ADGB: variants seen among roughly 807,000 people sequenced by gnomAD.
ADGB encodes the protein androglobin.
ADGB carries 172 observed loss-of-function variants against 210.5 expected under a neutral mutation model. That is an observed-to-expected ratio of 0.82 (90% CI 0.72 to 0.93). The LOEUF is 0.93. Ranked by LOEUF, ADGB falls within the 40% of genes least tolerant of loss-of-function variation. The pLI is 0.00. For missense variants in ADGB, 2,025 were observed against 1,964.8 expected, an observed-to-expected ratio of 1.03 and a Z score of -0.58; for synonymous variants, 658 against 662.7, an observed-to-expected ratio of 0.99 and a Z score of 0.11.
intron 20 of ADGB, among the ~76,000 whole-genome samples, chr6:146,729,482 C>A (rs79386027): frequency 0.021 from 3,250 of 152,172 alleles, 107 homozygotes; most frequent in African/African-American, 0.074. Context: ...GTCACCCAGG[C>A]TGGCTTGCAG....
At chr6:146,701,871 C>G (rs891028670) in intron 13 of ADGB, among the ~76,000 whole-genome samples, 2 of 151,796 alleles carry the variant, frequency 1.3e-5, no homozygotes, top group Non-Finnish European at 3.0e-5. Flanking sequence ...ACATGAAATA[C>G]AGCAACAGGT....
intron 9 of ADGB, among the ~76,000 whole-genome samples, chr6:146,680,440 C>A (rs1404386181): frequency 6.6e-6 from 1 of 152,118 alleles, no homozygotes; most frequent in African/African-American, 2.4e-5. Context: ...TTCCTTATAG[C>A]AGCTACAATT....
At chr6:146,600,729 TTC>T (rs1780542245) in intron 1 of ADGB, among the ~76,000 whole-genome samples, 1 of 151,976 alleles carries the variant, frequency 6.6e-6, no homozygotes, top group Admixed American at 6.6e-5. Context: ...ATTTTTTTTT[TTC>T]ATTTGTCTTC....
intron 5 of ADGB, among the ~76,000 whole-genome samples, chr6:146,663,181 T>C (rs9497596): frequency 7.1e-6 from 1 of 141,456 alleles, no homozygotes; most frequent in African/African-American, 2.6e-5. Flanking sequence ...ATATTATATA[T>C]TATATATAAT....
Position 146,784,649 on chromosome 6 carries a change from C to A in ADGB, c.4067C>A (p.Pro1356Gln). Residue 1356 changes from proline (P) to glutamine (Q), a missense_variant, in exon 31 of 36, where the codon CCA becomes CAA. Physicochemically the swap from Pro to Gln is moderately conservative, Grantham distance 76 (BLOSUM62 -1). Transcript: ENST00000397944. The stretch of plus-strand genomic sequence containing the variant: ...ACTGTTCACCCTCAACAAGAAGACC[C>A]AAATAAACCCTACTGGATTTTGAGG... Reference protein sequence around the residue: ...ISTVHPQQEDPNKPYWILRLV... With the variant: ...ISTVHPQQEDQNKPYWILRLV... 1.9e-6 allele frequency: 3 copies of A among 1,549,522 alleles called. No individual in the cohort carries two copies. The highest frequency in any genetic ancestry group is 2.4e-5 in the East Asian group (1 of 40,846).
chr6:146,790,233 A>T (rs1026050538), intron 33 of ADGB, among the ~76,000 whole-genome samples: 5 of 152,192 alleles, frequency 3.3e-5, no homozygotes, highest in Admixed American at 6.5e-5. Flanking sequence ...AACATCCAAT[A>T]AATTGTTAGC....
chr6:146,653,091 A>G (rs919020777), intron 3 of ADGB, among the ~76,000 whole-genome samples: 18 of 152,064 alleles, frequency 1.2e-4, no homozygotes, highest in African/African-American at 4.3e-4. Flanking sequence ...TGCAGTGTGA[A>G]ACTTACTGTG....
chr6:146,663,839 G>A (rs116671764), intron 5 of ADGB, among the ~76,000 whole-genome samples: 362 of 151,940 alleles, frequency 2.4e-3, no homozygotes, highest in Middle Eastern at 6.8e-3. Flanking sequence ...TTTTGACTAT[G>A]TTAAGTTATT....
intron 3 of ADGB, among the ~76,000 whole-genome samples, chr6:146,650,686 G>A (rs1286523480): frequency 1.4e-5 from 2 of 146,536 alleles, no homozygotes; most frequent in African/African-American, 2.5e-5. Flanking sequence ...GAGAGGAGAA[G>A]CCTGTTTTGC....
intron 6 of ADGB, among the ~76,000 whole-genome samples, chr6:146,666,395 C>G (rs1418779376): frequency 2.6e-5 from 4 of 151,956 alleles, no homozygotes; most frequent in Non-Finnish European, 2.9e-5. Flanking sequence ...CTTGACTTGC[C>G]ATAGATGAGA....
chr6:146,693,310 G>C (rs374879791), intron 12 of ADGB, among the ~76,000 whole-genome samples: 1 of 152,120 alleles, frequency 6.6e-6, no homozygotes, highest in Non-Finnish European at 1.5e-5. Context: ...AGAGACACCA[G>C]AGAGTTCTCT....
At chr6:146,814,936 C>A in intron 35 of ADGB, 96 bp from the exon 36 acceptor site, 1 of 1,195,228 alleles carries the variant, frequency 8.4e-7, no homozygotes, top group Non-Finnish European at 1.1e-6. Context: ...AATGTGTGGG[C>A]GTAAGGACAG....
At chr6:146,606,844 A>G (rs1239812858) in intron 1 of ADGB, among the ~76,000 whole-genome samples, 2 of 152,076 alleles carry the variant, frequency 1.3e-5, no homozygotes, top group Admixed American at 1.3e-4. Flanking sequence ...TGATGCCTCC[A>G]GCTTTGTTCT....
intron 13 of ADGB, among the ~76,000 whole-genome samples, chr6:146,711,375 C>T (rs1165147443): frequency 1.3e-5 from 2 of 151,076 alleles, no homozygotes; most frequent in African/African-American, 4.9e-5. Flanking sequence ...TTTTTTTAAA[C>T]CACCCCATGC....
intron 35 of ADGB, among the ~76,000 whole-genome samples, chr6:146,813,828 T>C (rs921813439): frequency 6.6e-6 from 1 of 152,186 alleles, no homozygotes; most frequent in Non-Finnish European, 1.5e-5. Context: ...CCTCCCTAAC[T>C]CAGACAGCTT....
At position 146,721,013 on chromosome 6, in the gene ADGB, T is replaced by C. The variant is rs143745375; in HGVS notation, c.1993-390T>C. 2.0e-3 allele frequency among the ~76,000 whole-genome samples: 308 copies of C among 152,282 alleles called. 2 individuals are homozygous for C. The highest frequency in any genetic ancestry group is 0.014 in the Middle Eastern group (4 of 294). On this transcript the variant is annotated intron_variant, in intron 16 of 35. Coordinates refer to ENST00000397944, the MANE Select transcript of ADGB (RefSeq NM_024694.4). ...TAAGACATCCAATTGGCCATTCCCATTCTCTGCCAAAGTTTCTTACTCTAT... is the reference window on the plus strand; with the variant it reads ...TAAGACATCCAATTGGCCATTCCCACTCTCTGCCAAAGTTTCTTACTCTAT...
At chr6:146,812,715 T>G (rs1043341651) in intron 35 of ADGB, among the ~76,000 whole-genome samples, 1 of 152,214 alleles carries the variant, frequency 6.6e-6, no homozygotes, top group Non-Finnish European at 1.5e-5. Context: ...CAGACTTTAG[T>G]TTTAGGTGCT....
At chr6:146,705,871 T>C (rs954022029) in intron 13 of ADGB, among the ~76,000 whole-genome samples, 3 of 152,154 alleles carry the variant, frequency 2.0e-5, no homozygotes, top group Non-Finnish European at 2.9e-5. Flanking sequence ...ATTCTTTAAA[T>C]ATTTGGTAGA....
chr6:146,656,451 C>G lies in ADGB; in HGVS notation c.403-320C>G, dbSNP rs550258037. ...ATTTTCAGAAGCTTTCTCTCTCTCA[C>G]ACACAAACACACCACTCATATAAAT... is the stretch of plus-strand genomic sequence containing the variant. On this transcript the variant is annotated intron_variant, in intron 4 of 35. Transcript: ENST00000397944. 2.0e-5 allele frequency among the ~76,000 whole-genome samples: 3 copies of G among 152,306 alleles called. No homozygotes were observed. The East Asian group carries it at 5.8e-4, about 29-fold the overall frequency.
Sources: allele counts gnomAD v4.1 joint callset (sites outside exome capture counted in the v4.1 genomes callset), GRCh38; gene constraint gnomAD v4.1.1; transcripts MANE v1.5; gene names NCBI Gene and HGNC (gene_info 2026-07-23, HGNC 2026-07-21).